NLGN4X: variants seen among roughly 807,000 people sequenced by gnomAD.
NLGN4X encodes neuroligin 4 X-linked, also known as neuroligin-4, X-linked.
Under a neutral mutation model 40.3 loss-of-function variants are expected in NLGN4X, and 3 were observed. The observed-to-expected ratio is 0.07, with a 90% confidence interval of 0.03 to 0.19. NLGN4X has a LOEUF of 0.19. NLGN4X is among the 10% of genes least tolerant of loss of function. NLGN4X has a pLI of 1.00. For synonymous variants in NLGN4X, 270 were observed against 306.8 expected (o/e 0.88, Z 1.25); for missense variants, 382 against 708.3 (o/e 0.54, Z 5.23).
chrX:5,971,973 T>TA (rs2147024861), intron 3 of NLGN4X, among the ~76,000 whole-genome samples: 1 of 112,107 alleles, frequency 8.9e-6, no homozygotes, highest in African/African-American at 3.2e-5. Flanking sequence ...GGCTTATCCT[T>TA]AAAGATAATG....
At chrX:6,112,290 C>T (rs975712198) in intron 2 of NLGN4X, among the ~76,000 whole-genome samples, 2 of 111,210 alleles carry the variant, frequency 1.8e-5, no homozygotes, top group Non-Finnish European at 3.8e-5. Flanking sequence ...CAGACGTAAT[C>T]CTTGGATCTA....
intron 2 of NLGN4X, among the ~76,000 whole-genome samples, chrX:6,047,111 T>C (rs946901991): frequency 5.4e-5 from 6 of 110,341 alleles, no homozygotes; most frequent in African/African-American, 1.6e-4. Flanking sequence ...TCAGGAAATA[T>C]ATACATAAAT....
At chrX:5,939,722 G>A (rs1023988122) in intron 3 of NLGN4X, among the ~76,000 whole-genome samples, 1 of 111,254 alleles carries the variant, frequency 9.0e-6, no homozygotes, top group Non-Finnish European at 1.9e-5. Context: ...GTCCCATGTA[G>A]TATTCTCAGT....
At chrX:6,138,436 C>A (rs911810157) in intron 2 of NLGN4X, among the ~76,000 whole-genome samples, 1 of 111,542 alleles carries the variant, frequency 9.0e-6, no homozygotes, top group Admixed American at 9.6e-5. Context: ...GTAGAGAGTG[C>A]TCAGGTAAAT....
At chrX:5,911,228 C>T (rs1392087041) in intron 3 of NLGN4X, among the ~76,000 whole-genome samples, 2 of 111,748 alleles carry the variant, frequency 1.8e-5, no homozygotes, top group Non-Finnish European at 3.8e-5. Context: ...GTCTTCAGCA[C>T]GTCTTTTCTT....
At chrX:6,120,566 C>T (rs1602266972) in intron 2 of NLGN4X, among the ~76,000 whole-genome samples, 1 of 111,834 alleles carries the variant, frequency 8.9e-6, no homozygotes, top group African/African-American at 3.3e-5. Flanking sequence ...TATTCTTAGT[C>T]CCTGTCTGCC....
chrX:6,120,477 C>T (rs1290087830), intron 2 of NLGN4X, among the ~76,000 whole-genome samples: 1 of 111,795 alleles, frequency 8.9e-6, no homozygotes, highest in Non-Finnish European at 1.9e-5. Context: ...TTAAAGATCT[C>T]GCATGAGTCA....
Position 5,891,739 on chromosome X carries a change from GCTGTAA to G in NLGN4X, c.*1072_*1077del. Reference sequence around the variant, plus strand: ...TGTGTGCATGTCTCTAATTTAACAAGCTGTAAATACACTCCACTTTGGGGACCCATC... The same window carrying G: ...TGTGTGCATGTCTCTAATTTAACAAGATACACTCCACTTTGGGGACCCATC... On this transcript the variant is annotated 3_prime_UTR_variant, in exon 6 of 6. Transcript: ENST00000381095. The G allele has an allele frequency of 5.7e-6, 1 of 174,240 alleles. No homozygotes were observed. The highest frequency in any genetic ancestry group is 1.0e-4 in the South Asian group (1 of 9,943). The allele number at this position is 174,240 out of a possible 1,213,427, so 14.4% of individuals were successfully genotyped here.
intron 2 of NLGN4X, among the ~76,000 whole-genome samples, chrX:6,125,461 A>ATATAAACAATATACAACAAATAC (rs1308044824): frequency 5.8e-4 from 65 of 112,046 alleles, no homozygotes; most frequent in African/African-American, 2.1e-3. Context: ...ACAACAAATA[A>ATATAAACAATATACAACAAATAC]TATACAACAA....
chrX:6,017,475 T>A (rs780991407), intron 3 of NLGN4X, among the ~76,000 whole-genome samples: 2 of 111,821 alleles, frequency 1.8e-5, no homozygotes, highest in South Asian at 7.6e-4. Flanking sequence ...GTTCGCAATA[T>A]ATTGAACACA....
intron 3 of NLGN4X, among the ~76,000 whole-genome samples, chrX:5,931,894 A>T (rs1204586367): frequency 9.0e-6 from 1 of 111,624 alleles, no homozygotes; most frequent in Non-Finnish European, 1.9e-5. Context: ...GGTAATAGAA[A>T]GATGCTGGTT....
At chrX:6,018,177 T>C (rs867054805) in intron 3 of NLGN4X, among the ~76,000 whole-genome samples, 1 of 110,592 alleles carries the variant, frequency 9.0e-6, no homozygotes, top group Admixed American at 9.6e-5. Context: ...TATGTATGTA[T>C]ACACACATAG....
chrX:5,897,084 C>T (rs5961885), intron 5 of NLGN4X, among the ~76,000 whole-genome samples: 3,791 of 111,688 alleles, frequency 0.034, 154 homozygotes, highest in African/African-American at 0.12. Flanking sequence ...ACCCCAGACT[C>T]GATGGAACAA....
At chrX:6,011,108 C>T (rs772542345) in intron 3 of NLGN4X, among the ~76,000 whole-genome samples, 3 of 111,189 alleles carry the variant, frequency 2.7e-5, no homozygotes, top group Non-Finnish European at 5.6e-5. Context: ...TTAATCTATA[C>T]TTGCACCAGA....
intron 3 of NLGN4X, among the ~76,000 whole-genome samples, chrX:5,990,077 C>CCTCTCTCT (rs71839664): frequency 1.1e-4 from 9 of 83,694 alleles, no homozygotes; most frequent in African/African-American, 2.7e-4. Context: ...TCTCTATTTT[C>CCTCTCTCT]CTCTCTCTCT....
At chrX:5,906,845 G>A (rs1462059682) in intron 4 of NLGN4X, among the ~76,000 whole-genome samples, 1 of 111,193 alleles carries the variant, frequency 9.0e-6, no homozygotes. Context: ...TCGGGAGGTC[G>A]AGGTGGGTGG....
At chrX:5,998,719 A>G (rs1200721024) in intron 3 of NLGN4X, among the ~76,000 whole-genome samples, 1 of 112,273 alleles carries the variant, frequency 8.9e-6, no homozygotes, top group Admixed American at 9.4e-5. Context: ...ACACTGGGGA[A>G]AAAAAAGAGG....
chrX:6,162,487 C>A (rs1481145202), intron 1 of NLGN4X, among the ~76,000 whole-genome samples: 2 of 111,605 alleles, frequency 1.8e-5, no homozygotes, highest in Non-Finnish European at 3.8e-5. Flanking sequence ...ACTAGACTAG[C>A]TTAGCCTCTA....
chrX:6,097,554 G>A (rs759860764), intron 2 of NLGN4X, among the ~76,000 whole-genome samples: 4 of 111,428 alleles, frequency 3.6e-5, no homozygotes, highest in South Asian at 3.8e-4. Context: ...TGCTGAACCC[G>A]AAATCTGGGA....
Sources: allele counts gnomAD v4.1 joint callset (sites outside exome capture counted in the v4.1 genomes callset), GRCh38; gene constraint gnomAD v4.1.1; transcripts MANE v1.5; gene names NCBI Gene and HGNC (gene_info 2026-07-23, HGNC 2026-07-21).